CRTAP: variants seen among roughly 807,000 people sequenced by gnomAD.
The protein encoded by CRTAP is cartilage-associated protein.
In CRTAP, 33 loss-of-function variants were observed where a neutral mutation model predicts 42.7. The ratio of observed to expected loss-of-function variants is 0.77; its 90% CI spans 0.59 to 1.03. CRTAP has a LOEUF of 1.03. CRTAP is among the 50% of genes least tolerant of loss of function. The probability of loss-of-function intolerance (pLI) is 0.00; values close to 1 mark genes in which losing one functional copy is unlikely to be tolerated. For synonymous variants in CRTAP, 243 were observed against 217.7 expected, an observed-to-expected ratio of 1.12 and a Z score of -1.02; for missense variants, 613 against 533.9, an observed-to-expected ratio of 1.15 and a Z score of -1.46.
intron 1 of CRTAP, 132 bp downstream of exon 1, chr3:33,114,680 G>A: frequency 2.5e-6 from 2 of 788,722 alleles, no homozygotes; most frequent in East Asian, 2.8e-5. Context: ...ATCCAGCCCT[G>A]CCAAAGGTCT....
intron 3 of CRTAP, among the ~76,000 whole-genome samples, chr3:33,127,796 G>A (rs899268059): frequency 2.6e-5 from 4 of 151,208 alleles, no homozygotes; most frequent in Admixed American, 1.3e-4. Flanking sequence ...GCCCAGGCTG[G>A]AGTGCAGTGG....
intron 4 of CRTAP, among the ~76,000 whole-genome samples, chr3:33,130,517 T>C (rs1453615796): frequency 7.0e-5 from 10 of 143,804 alleles, no homozygotes; most frequent in Non-Finnish European, 1.3e-4. Flanking sequence ...CTTTCTTTCT[T>C]TTCTTTTCTT....
intron 3 of CRTAP, among the ~76,000 whole-genome samples, chr3:33,129,599 G>A (rs1482956234): frequency 8.3e-5 from 12 of 144,460 alleles, no homozygotes; most frequent in Non-Finnish European, 1.3e-4. Flanking sequence ...GTGCAGTGGC[G>A]CGATCTCGGC....
intron 2 of CRTAP, among the ~76,000 whole-genome samples, chr3:33,122,600 T>A (rs34429545): frequency 6.7e-6 from 1 of 150,182 alleles, no homozygotes; most frequent in African/African-American, 2.5e-5. Flanking sequence ...TCCTAGCTAC[T>A]CGGGAGACTG....
chr3:33,144,716 A>T lies in CRTAP; in HGVS notation c.*2268A>T, dbSNP rs1304120839. Reference sequence around the variant, plus strand: ...GTGGCATTTAAAGCCATGCAGCTGGAGGGGCCACTGAGATTGTCTCTGAGT... The same window carrying T: ...GTGGCATTTAAAGCCATGCAGCTGGTGGGGCCACTGAGATTGTCTCTGAGT... On this transcript the variant is annotated 3_prime_UTR_variant, in exon 7 of 7. Coordinates refer to ENST00000320954, the MANE Select transcript of CRTAP (RefSeq NM_006371.5). 1.3e-5 allele frequency: 2 copies of T among 152,288 alleles called. No individual in the cohort carries two copies. The highest frequency in any genetic ancestry group is 3.4e-3 in the Middle Eastern group (1 of 296). 9.4% of individuals were successfully genotyped at this position (152,288 alleles called of 1,614,324 possible). A position where few individuals can be genotyped will look rare whatever the true frequency, so the allele number is the denominator to read the frequency against.
rs140029291 is a variant in CRTAP at position 33,116,951 on chromosome 3, T to G, written c.471+2403T>G. On this transcript the variant is annotated intron_variant, in intron 1 of 6. Transcript: ENST00000320954. ...TGAGATCTCATCTGTACAAAAACATTAAAAAATTAGCCGGGTGTGGTGGCG... is the reference window on the plus strand; with the variant it reads ...TGAGATCTCATCTGTACAAAAACATGAAAAAATTAGCCGGGTGTGGTGGCG... Among the ~76,000 whole-genome samples, 11 of 151,974 alleles carry G rather than the reference T, an allele frequency of 7.2e-5. No individual in the cohort carries two copies. In the East Asian group the frequency reaches 2.1e-3, roughly 30 times the overall value.
chr3:33,120,481 C>T lies in CRTAP; in HGVS notation c.609C>T (p.Thr203=), dbSNP rs778959807. ...GAEDYIKDLE[T]KSYESLFIRA... ...AGGACTACATTAAAGACCTGGAAAC[C>T]AAGTCATATGAAGTATGTTTGGATT... Residue 203 remains threonine, a synonymous_variant, in exon 2 of 7, where the codon ACC becomes ACT. Transcript: ENST00000320954. The T allele has an allele frequency of 6.2e-7, 1 of 1,610,772 alleles. No homozygotes were observed. Among genetic ancestry groups the T allele is most frequent in the Non-Finnish European group, 8.5e-7 (1 of 1,177,864 alleles).
At chr3:33,130,151 T>C (rs2030210470) in intron 4 of CRTAP, 84 bp downstream of exon 4, 1 of 1,394,786 alleles carries the variant, frequency 7.2e-7, no homozygotes, top group African/African-American at 1.4e-5. Context: ...TTAGCTACGG[T>C]TGTTGAGAGT....
chr3:33,120,281 T>A, intron 1 of CRTAP, 63 bp from the exon 2 acceptor site: 1 of 1,428,716 alleles, frequency 7.0e-7, no homozygotes, highest in Non-Finnish European at 9.9e-7. Flanking sequence ...GCAGATATTC[T>A]TGTTTTACAA....
rs1433540670 is a variant in CRTAP at position 33,114,423 on chromosome 3, G to A, written c.346G>A (p.Ala116Thr). Residue 116 changes from alanine to threonine, a missense_variant, in exon 1 of 7, where the codon GCG (alanine) becomes ACG (threonine). Transcript: ENST00000320954. ...LRLFGGLLRRAHCLKRCKQGL... is the reference protein window; with the variant it reads ...LRLFGGLLRRTHCLKRCKQGL... The stretch of plus-strand genomic sequence containing the variant: ...CCTCTTCGGGGGCCTGCTGCGCCGC[G>A]CGCACTGCCTCAAGCGCTGCAAGCA... 6.4e-7 allele frequency: 1 copy of A among 1,553,704 alleles called. No homozygotes were observed. The highest frequency in any genetic ancestry group is 8.7e-7 in the Non-Finnish European group (1 of 1,153,646).
At chr3:33,134,889 G>A (rs2030378508) in intron 6 of CRTAP, among the ~76,000 whole-genome samples, 1 of 152,224 alleles carries the variant, frequency 6.6e-6, no homozygotes, top group Non-Finnish European at 1.5e-5. Context: ...AGCTCGAAGA[G>A]AGCTGTGAGC....
intron 1 of CRTAP, among the ~76,000 whole-genome samples, chr3:33,116,573 G>T (rs1701345716): frequency 1.3e-5 from 2 of 152,070 alleles, no homozygotes; most frequent in South Asian, 4.1e-4. Context: ...TGGCCAGGCT[G>T]GTCTCGAACT....
intron 4 of CRTAP, among the ~76,000 whole-genome samples, chr3:33,132,110 C>T (rs2030284543): frequency 6.6e-6 from 1 of 152,104 alleles, no homozygotes; most frequent in Non-Finnish European, 1.5e-5. Flanking sequence ...TTGGGTTTTC[C>T]AGGTCTGGTT....
At chr3:33,133,945 A>C (rs559062968) in intron 5 of CRTAP, among the ~76,000 whole-genome samples, 1 of 152,322 alleles carries the variant, frequency 6.6e-6, no homozygotes, top group Non-Finnish European at 1.5e-5. Context: ...TCTTCCACTG[A>C]GGGCTGGCCA....
chr3:33,122,671 C>T (rs1357888419), intron 2 of CRTAP, among the ~76,000 whole-genome samples: 1 of 142,996 alleles, frequency 7.0e-6, no homozygotes, highest in Non-Finnish European at 1.5e-5. Flanking sequence ...GATTGCACCA[C>T]TGCATTCGAG....
intron 6 of CRTAP, 141 bp from the exon 7 acceptor site, chr3:33,142,254 C>G (rs993298739): frequency 1.1e-5 from 8 of 757,584 alleles, no homozygotes; most frequent in Non-Finnish European, 1.6e-5. Context: ...ATCAGGTCCT[C>G]TGGGCCCCAG....
chr3:33,132,418 C>T, intron 4 of CRTAP, 137 bp from the exon 5 acceptor site: 1 of 1,241,504 alleles, frequency 8.1e-7, no homozygotes, highest in South Asian at 1.2e-5. Flanking sequence ...CCACCCAGGG[C>T]TGCCAGTCGG....
intron 2 of CRTAP, among the ~76,000 whole-genome samples, chr3:33,122,599 C>T (rs1322354028): frequency 1.3e-5 from 2 of 150,536 alleles, no homozygotes; most frequent in African/African-American, 4.9e-5. Flanking sequence ...ATCCTAGCTA[C>T]TCGGGAGACT....
intron 6 of CRTAP, among the ~76,000 whole-genome samples, chr3:33,136,680 AGGG>A (rs1230220887): frequency 6.6e-6 from 1 of 152,126 alleles, no homozygotes; most frequent in African/African-American, 2.4e-5. Flanking sequence ...GTCATGGCAA[AGGG>A]GGAGCTGGCG....
Sources: allele counts gnomAD v4.1 joint callset (sites outside exome capture counted in the v4.1 genomes callset), GRCh38; gene constraint gnomAD v4.1.1; transcripts MANE v1.5; gene names NCBI Gene and HGNC (gene_info 2026-07-23, HGNC 2026-07-21).